Variants in GDAP2 observed in about 807,000 individuals in gnomAD.
GDAP2 encodes the protein ganglioside-induced differentiation-associated protein 2.
GDAP2 carries 51 observed loss-of-function variants against 67.0 expected under a neutral mutation model. The ratio of observed to expected loss-of-function variants is 0.76; its 90% CI spans 0.61 to 0.96. GDAP2 has a LOEUF of 0.96. GDAP2 is among the 40% of genes least tolerant of loss of function. The pLI, the probability that GDAP2 is intolerant of heterozygous loss-of-function variation, is 0.00. For synonymous variants in GDAP2, 203 were observed against 207.3 expected, an observed-to-expected ratio of 0.98 and a Z score of 0.18; for missense variants, 547 against 588.3, an observed-to-expected ratio of 0.93 and a Z score of 0.73.
At chr1:117,911,936 C>A (rs1333303743) in intron 5 of GDAP2, 58 bp downstream of exon 5, 2 of 1,007,054 alleles carry the variant, frequency 2.0e-6, no homozygotes, top group South Asian at 1.3e-5. Flanking sequence ...CCACCATGCC[C>A]AGAATTTAAA....
intron 3 of GDAP2, among the ~76,000 whole-genome samples, chr1:117,912,991 T>C (rs1359572203): frequency 6.6e-6 from 1 of 152,148 alleles, no homozygotes; most frequent in Non-Finnish European, 1.5e-5. Flanking sequence ...ACAAACCTAA[T>C]TGCTTGCAGA....
At chr1:117,911,872 C>G in intron 5 of GDAP2, 122 bp downstream of exon 5, 1 of 624,292 alleles carries the variant, frequency 1.6e-6, no homozygotes, top group African/African-American at 1.8e-5. Flanking sequence ...AACTTCTGTC[C>G]TCAAGTGATT....
At chr1:117,891,608 T>C (rs544640029) in intron 8 of GDAP2, among the ~76,000 whole-genome samples, 6 of 152,244 alleles carry the variant, frequency 3.9e-5, no homozygotes, top group African/African-American at 4.8e-5. Flanking sequence ...TCTCACCAAG[T>C]TGTAGTTCTT....
At chr1:117,902,204 T>A (rs1026492260) in intron 6 of GDAP2, among the ~76,000 whole-genome samples, 1 of 152,256 alleles carries the variant, frequency 6.6e-6, no homozygotes, top group Non-Finnish European at 1.5e-5. Context: ...CTTTGTCTCA[T>A]CACTCAGTCA....
At chr1:117,883,992 G>T (rs561871293) in intron 10 of GDAP2, among the ~76,000 whole-genome samples, 1 of 152,152 alleles carries the variant, frequency 6.6e-6, no homozygotes, top group African/African-American at 2.4e-5. Context: ...GAAATCATTA[G>T]AAGTAGAATT....
At chr1:117,925,668 C>T (rs1044105961) in intron 1 of GDAP2, among the ~76,000 whole-genome samples, 2 of 152,158 alleles carry the variant, frequency 1.3e-5, no homozygotes, top group South Asian at 2.1e-4. Context: ...AGAATTTGGA[C>T]TCTGTTATCA....
Position 117,863,850 on chromosome 1 carries a change from A to C in GDAP2, c.*6719T>G, listed in dbSNP as rs1348048487. On this transcript the variant is annotated 3_prime_UTR_variant, in exon 14 of 14. Transcript: ENST00000369443. ...TCAAATGTTAGCTGTTATTATTTCT[A>C]ATCAAAGCAGTGGTGGCTGCTATTT... The C allele has an allele frequency of 1.3e-5, 2 of 152,254 alleles. No homozygotes were observed. Among genetic ancestry groups the C allele is most frequent in the African/African-American group, 2.4e-5 (1 of 41,474 alleles). 9.4% of individuals were successfully genotyped at this position (152,254 alleles called of 1,614,324 possible). A position where few individuals can be genotyped will look rare whatever the true frequency, so the allele number is the denominator to read the frequency against.
At chr1:117,901,467 T>C (rs1032399310) in intron 6 of GDAP2, among the ~76,000 whole-genome samples, 1 of 152,244 alleles carries the variant, frequency 6.6e-6, no homozygotes, top group African/African-American at 2.4e-5. Flanking sequence ...AGTTGTGCCA[T>C]TTTTACATTC....
rs1382158811 is a variant in GDAP2, at chr1:117,896,864, C to T, written c.922G>A (p.Glu308Lys). 6.2e-7 allele frequency: 1 copy of T among 1,612,992 alleles called. No homozygotes were observed. The highest frequency in any genetic ancestry group is 1.7e-5 in the Admixed American group (1 of 59,916). ...RKLILQGQLS[E>K]AALQKQHQRN... is the part of the protein sequence containing the mutation. ...TGATGCTGCTTCTGCAGAGCTGCCT[C>T]TGATAATTGTCCCTGAAGGATCAGT... The change falls in exon 8 of 14, where the codon GAG becomes AAG. Residue 308 changes from glutamate (E) to lysine (K), a missense_variant. Physicochemically the swap from Glu to Lys is moderately conservative, Grantham distance 56 (BLOSUM62 1). Transcript: ENST00000369443.
intron 5 of GDAP2, among the ~76,000 whole-genome samples, chr1:117,911,167 T>C (rs1570988717): frequency 6.6e-6 from 1 of 152,338 alleles, no homozygotes; most frequent in East Asian, 1.9e-4. Context: ...TCATGCAATA[T>C]GACACACAGA....
At chr1:117,875,400 G>T (rs539088066) in intron 13 of GDAP2, among the ~76,000 whole-genome samples, 1 of 152,364 alleles carries the variant, frequency 6.6e-6, no homozygotes, top group South Asian at 2.1e-4. Context: ...CATGCAGCAT[G>T]CAAGAGTGGT....
Position 117,878,693 on chromosome 1 carries a change from G to T in GDAP2, c.1303-541C>A, listed in dbSNP as rs560088040. ...CACTTGTAGATGTGGTGCCATCTTT[G>T]CTCATTTCACTTGACAACATGCAAT... is the stretch of plus-strand genomic sequence containing the variant. On this transcript the variant is annotated intron_variant, in intron 12 of 13. Transcript: ENST00000369443. Among the ~76,000 whole-genome samples, 4 of 152,298 alleles carry T rather than the reference G, an allele frequency of 2.6e-5. No homozygotes were observed. In the South Asian group the frequency reaches 8.3e-4, roughly 32 times the overall value.
intron 1 of GDAP2, among the ~76,000 whole-genome samples, chr1:117,929,151 C>T (rs1401346582): frequency 1.3e-5 from 2 of 152,202 alleles, no homozygotes; most frequent in East Asian, 3.9e-4. Flanking sequence ...GAGCTCCCGC[C>T]TGCCCCATTT....
intron 8 of GDAP2, 120 bp downstream of exon 8, chr1:117,896,709 CTGAT>C (rs1649275924): frequency 7.9e-6 from 5 of 631,194 alleles, no homozygotes; most frequent in Non-Finnish European, 1.3e-5. Flanking sequence ...ATCTTCCTCA[CTGAT>C]TGTCATGAAA....
chr1:117,876,067 G>A (rs980795583), intron 13 of GDAP2, among the ~76,000 whole-genome samples: 3 of 152,084 alleles, frequency 2.0e-5, no homozygotes, highest in African/African-American at 4.8e-5. Context: ...GGGGCAAAAT[G>A]CTACATTTTG....
Position 117,896,951 on chromosome 1 carries a change from G to T in GDAP2, c.835C>A (p.Leu279Ile). Residue 279 changes from leucine to isoleucine, a missense_variant, in exon 8 of 14, where the codon CTC (leucine) becomes ATC (isoleucine). Transcript: ENST00000369443. ...EEEDEGLGVD[L>I]SFIGSHAFAR... ...AAAGCATGAGAGCCAATGAAAGAGA[G>T]ATCAACTCCCAAGCCTTCATCCTCC... 6.2e-7 allele frequency: 1 copy of T among 1,611,538 alleles called. No homozygotes were observed. Among genetic ancestry groups the T allele is most frequent in the Non-Finnish European group, 8.5e-7 (1 of 1,178,156 alleles).
intron 2 of GDAP2, among the ~76,000 whole-genome samples, 175 bp from the exon 3 acceptor site, chr1:117,918,911 A>G (rs1650143823): frequency 6.6e-6 from 1 of 152,228 alleles, no homozygotes; most frequent in Non-Finnish European, 1.5e-5. Context: ...CTGGCATCTT[A>G]GATCTTTAAT....
At chr1:117,891,695 T>A (rs1649089496) in intron 8 of GDAP2, among the ~76,000 whole-genome samples, 1 of 152,150 alleles carries the variant, frequency 6.6e-6, no homozygotes, top group African/African-American at 2.4e-5. Context: ...CTTTTTACTT[T>A]GTTTAAGCTT....
rs1358657059 is a variant in GDAP2 at position 117,920,282 on chromosome 1, C to T, written c.76G>A (p.Glu26Lys). The change falls in exon 2 of 14, where the codon GAA becomes AAA. Residue 26 changes from glutamate to lysine, a missense_variant. By Grantham distance (56) the Glu-to-Lys change is moderately conservative (BLOSUM62 1). Transcript: ENST00000369443. ...LPSWGDSCQDELNSSDTTAEI... is the reference protein window; with the variant it reads ...LPSWGDSCQDKLNSSDTTAEI... ...GCTGTAGTATCAGAGGAATTTAATT[C>T]ATCTTGGCATGAGTCACCCCAGCTT... The T allele has an allele frequency of 1.9e-6, 3 of 1,608,720 alleles. No homozygotes were observed. The highest frequency in any genetic ancestry group is 2.6e-6 in the Non-Finnish European group (3 of 1,175,518).
Sources: gnomAD v4.1 joint callset for allele counts (sites outside exome capture counted in the v4.1 genomes callset) on GRCh38, gnomAD v4.1.1 for gene constraint, MANE v1.5 for transcripts, NCBI Gene and HGNC (gene_info 2026-07-23, HGNC 2026-07-21) for gene names.